Variants in SLC24A2 observed in about 807,000 individuals in gnomAD.
SLC24A2 encodes sodium/potassium/calcium exchanger 2.
SLC24A2 carries 36 observed loss-of-function variants against 62.0 expected under a neutral mutation model. That is an observed-to-expected ratio of 0.58 (90% confidence interval 0.44 to 0.77). The LOEUF (loss-of-function observed/expected upper bound fraction) is 0.77. Ranked by LOEUF, SLC24A2 falls within the 30% of genes least tolerant of loss-of-function variation. The probability of loss-of-function intolerance (pLI) is 0.00; values close to 1 mark genes in which losing one functional copy is unlikely to be tolerated. For synonymous variants in SLC24A2, 358 were observed against 294.0 expected (o/e 1.22, Z -2.23); for missense variants, 846 against 817.9 (o/e 1.03, Z -0.42).
At chr9:19,977,969 A>G in the SLC24A2 span, among the ~76,000 whole-genome samples, 75,873 of 151,790 alleles carry the variant, frequency 0.5, 19,722 homozygotes, top group Non-Finnish European at 0.55. Flanking sequence ...GATGGCTAGG[A>G]TTTTCTCCCT....
At chr9:19,788,807 G>A (rs1356147472) in intron 1 of SLC24A2, 78 bp downstream of exon 1, 1 of 985,456 alleles carries the variant, frequency 1.0e-6, no homozygotes, top group Non-Finnish European at 1.2e-6. Context: ...AGCAGCAACG[G>A]GATGCGCGCA....
At chr9:19,619,540 C>T (rs768909543) in intron 4 of SLC24A2, 44 bp downstream of exon 4, 45 of 1,452,940 alleles carry the variant, frequency 3.1e-5, no homozygotes, top group Non-Finnish European at 4.2e-5. Context: ...TTTTGGCATC[C>T]TTTTCCCCCC....
At chr9:19,850,488 A>G in the SLC24A2 span, among the ~76,000 whole-genome samples, 1 of 152,162 alleles carries the variant, frequency 6.6e-6, no homozygotes, top group Admixed American at 6.5e-5. Flanking sequence ...TTTACATATC[A>G]TAAAATTTAC....
chr9:20,225,045 T>C, the SLC24A2 span, among the ~76,000 whole-genome samples: 1 of 152,214 alleles, frequency 6.6e-6, no homozygotes, highest in East Asian at 1.9e-4. Flanking sequence ...AAACCACATC[T>C]TTGCTTAGCT....
chr9:19,597,427 T>C, intron 4 of SLC24A2, 148 bp from the exon 5 acceptor site: 13 of 687,520 alleles, frequency 1.9e-5, no homozygotes, highest in Non-Finnish European at 3.5e-5. Flanking sequence ...ACATGGGCCA[T>C]GTGGCAGACA....
chr9:20,230,151 A>G, the SLC24A2 span, among the ~76,000 whole-genome samples: 8 of 152,122 alleles, frequency 5.3e-5, no homozygotes, highest in Non-Finnish European at 1.2e-4. Flanking sequence ...CATTTAGGCT[A>G]GTTCCAAGTC....
intron 2 of SLC24A2, among the ~76,000 whole-genome samples, chr9:19,678,099 C>T (rs1337308367): frequency 6.6e-6 from 1 of 152,084 alleles, no homozygotes; most frequent in African/African-American, 2.4e-5. Flanking sequence ...TTTCCTCATC[C>T]CATCACTCAG....
chr9:19,820,389 T>C, the SLC24A2 span, among the ~76,000 whole-genome samples: 3 of 150,428 alleles, frequency 2.0e-5, no homozygotes, highest in African/African-American at 7.3e-5. Context: ...ACTAAAGAAC[T>C]TACTCATGTA....
At chr9:20,182,237 A>C in the SLC24A2 span, among the ~76,000 whole-genome samples, 1 of 152,196 alleles carries the variant, frequency 6.6e-6, no homozygotes, top group South Asian at 2.1e-4. Context: ...TGATTCCTCA[A>C]GGATCCAGAA....
At chr9:19,526,513 T>G (rs1833453324) in intron 9 of SLC24A2, among the ~76,000 whole-genome samples, 1 of 152,200 alleles carries the variant, frequency 6.6e-6, no homozygotes, top group South Asian at 2.1e-4. Context: ...TCAACACTTG[T>G]TAGGTTCTGT....
the SLC24A2 span, among the ~76,000 whole-genome samples, chr9:19,976,621 A>C: frequency 2.0e-5 from 3 of 152,346 alleles, no homozygotes; most frequent in South Asian, 4.1e-4. Flanking sequence ...GCAGTGTGAA[A>C]ACAGACTAAT....
the SLC24A2 span, among the ~76,000 whole-genome samples, chr9:20,268,568 A>G: frequency 1.3e-5 from 2 of 152,296 alleles, no homozygotes; most frequent in South Asian, 2.1e-4. Flanking sequence ...GCACCTCCTC[A>G]AAACTCTCAG....
At chr9:19,536,173 ATTTTC>A (rs2132689873) in intron 8 of SLC24A2, among the ~76,000 whole-genome samples, 1 of 145,706 alleles carries the variant, frequency 6.9e-6, no homozygotes, top group East Asian at 2.0e-4. Flanking sequence ...ATTCTAAGAA[ATTTTC>A]TTTTTTTTTA....
the SLC24A2 span, among the ~76,000 whole-genome samples, chr9:19,864,571 C>G: frequency 7.2e-5 from 11 of 152,062 alleles, no homozygotes; most frequent in South Asian, 2.1e-3. Context: ...ATGATATCAA[C>G]AGAATGAAGG....
Position 19,511,578 on chromosome 9 carries a change from A to T in SLC24A2, c.*4575T>A, listed in dbSNP as rs1211006762. ...TTCTCCTACCCCTCTCTTAATGACA[A>T]GGCCTTACCTAATAATTGAAGACAG... On this transcript the variant is annotated 3_prime_UTR_variant, in exon 11 of 11. Transcript: ENST00000341998. The T allele has an allele frequency of 1.3e-5, 2 of 152,104 alleles. No homozygotes were observed. Among genetic ancestry groups the T allele is most frequent in the African/African-American group, 4.8e-5 (2 of 41,402 alleles). The allele number at this position is 152,104 out of a possible 1,614,324, so 9.4% of individuals were successfully genotyped here. A position where few individuals can be genotyped will look rare whatever the true frequency, so the allele number is the denominator to read the frequency against.
chr9:19,869,273 A>G, the SLC24A2 span, among the ~76,000 whole-genome samples: 2 of 152,088 alleles, frequency 1.3e-5, no homozygotes, highest in Non-Finnish European at 2.9e-5. Context: ...GAGCTACTGC[A>G]CCCAGTCTAT....
At chr9:19,688,228 G>T (rs1587154442) in intron 2 of SLC24A2, among the ~76,000 whole-genome samples, 1 of 152,114 alleles carries the variant, frequency 6.6e-6, no homozygotes, top group African/African-American at 2.4e-5. Flanking sequence ...TTAGAAAACA[G>T]GACTTGATAA....
chr9:19,618,325 C>T (rs1007099017), intron 4 of SLC24A2, among the ~76,000 whole-genome samples: 16 of 152,058 alleles, frequency 1.1e-4, no homozygotes, highest in African/African-American at 3.1e-4. Context: ...AATGGACCTC[C>T]GTGTAGATAG....
the SLC24A2 span, chr9:19,929,984 ATT>A: frequency 6.6e-6 from 1 of 152,240 alleles, no homozygotes; most frequent in East Asian, 1.9e-4. Context: ...TATACAATAT[ATT>A]TGTGTTTTAA....
Sources: allele counts gnomAD v4.1 joint callset (sites outside exome capture counted in the v4.1 genomes callset), GRCh38; gene constraint gnomAD v4.1.1; transcripts MANE v1.5; gene names NCBI Gene and HGNC (gene_info 2026-07-23, HGNC 2026-07-21).